Variants in PCDH9 observed in about 807,000 individuals in gnomAD.
PCDH9 encodes the protein protocadherin-9.
PCDH9 carries 24 observed loss-of-function variants against 70.6 expected under a neutral mutation model. The observed-to-expected ratio is 0.34, with a 90% CI of 0.25 to 0.48. The LOEUF is 0.48. PCDH9 is among the 20% of genes least tolerant of loss of function. PCDH9 has a pLI of 0.99. For synonymous variants in PCDH9, 562 were observed against 558.5 expected, an observed-to-expected ratio of 1.01 and a Z score of -0.09; for missense variants, 1,281 against 1,503.6, an observed-to-expected ratio of 0.85 and a Z score of 2.45.
chr13:66,917,174 T>C (rs2082570210), intron 2 of PCDH9, among the ~76,000 whole-genome samples: 1 of 151,512 alleles, frequency 6.6e-6, no homozygotes, highest in Admixed American at 6.6e-5. Flanking sequence ...CTTAGTCAAG[T>C]TAGACATAGC....
intron 3 of PCDH9, among the ~76,000 whole-genome samples, chr13:66,868,644 G>A (rs1466332750): frequency 6.6e-6 from 1 of 151,998 alleles, no homozygotes; most frequent in Non-Finnish European, 1.5e-5. Context: ...AAAAACCAAC[G>A]ATAAATACTT....
At chr13:67,166,142 C>T (rs1032035285) in intron 2 of PCDH9, among the ~76,000 whole-genome samples, 6 of 152,260 alleles carry the variant, frequency 3.9e-5, no homozygotes, top group Non-Finnish European at 7.4e-5. Flanking sequence ...CTGAACACTC[C>T]ATATAAAATA....
intron 2 of PCDH9, among the ~76,000 whole-genome samples, chr13:67,063,458 A>G (rs895471931): frequency 6.6e-6 from 1 of 151,992 alleles, no homozygotes; most frequent in Admixed American, 6.6e-5. Context: ...TCTTGCAGGT[A>G]GATATTATTA....
intron 4 of PCDH9, among the ~76,000 whole-genome samples, chr13:66,607,897 T>C (rs539499446): frequency 3.9e-5 from 6 of 151,956 alleles, no homozygotes; most frequent in Admixed American, 6.6e-5. Context: ...ATCTCTTCCA[T>C]AGAAAGAAAA....
intron 3 of PCDH9, among the ~76,000 whole-genome samples, chr13:66,781,692 A>C (rs2080000967): frequency 6.6e-6 from 1 of 152,184 alleles, no homozygotes; most frequent in Non-Finnish European, 1.5e-5. Flanking sequence ...ACTAGAAAAA[A>C]CATATAAATT....
chr13:66,851,060 G>A (rs1171754829), intron 3 of PCDH9, among the ~76,000 whole-genome samples: 4 of 152,094 alleles, frequency 2.6e-5, no homozygotes, highest in Admixed American at 2.0e-4. Context: ...TTCTTCTAAC[G>A]CCTTTTGAAT....
At chr13:66,668,773 T>C (rs1413634621) in intron 3 of PCDH9, among the ~76,000 whole-genome samples, 2 of 152,170 alleles carry the variant, frequency 1.3e-5, no homozygotes, top group Non-Finnish European at 2.9e-5. Context: ...TGCAAAGATA[T>C]ATGTTGAAGG....
intron 3 of PCDH9, among the ~76,000 whole-genome samples, chr13:66,879,042 C>G (rs1227049679): frequency 6.6e-6 from 1 of 152,144 alleles, no homozygotes; most frequent in South Asian, 2.1e-4. Context: ...ACTACAGAAA[C>G]AGTGAAGCTC....
intron 4 of PCDH9, among the ~76,000 whole-genome samples, chr13:66,474,866 T>C (rs60353234): frequency 0.021 from 3,196 of 152,192 alleles, 109 homozygotes; most frequent in African/African-American, 0.072. Flanking sequence ...TCCTTAGTAC[T>C]AATGAATTCT....
At chr13:66,943,578 T>C (rs2083040384) in intron 2 of PCDH9, among the ~76,000 whole-genome samples, 1 of 152,098 alleles carries the variant, frequency 6.6e-6, no homozygotes, top group Non-Finnish European at 1.5e-5. Context: ...AAAATTACTC[T>C]ACATTTTGAA....
chr13:66,392,887 C>CTT (rs57735819), intron 4 of PCDH9, among the ~76,000 whole-genome samples: 14 of 130,562 alleles, frequency 1.1e-4, no homozygotes, highest in Admixed American at 1.6e-4. Flanking sequence ...TGGGCATTTG[C>CTT]TTTTTTTTTT....
At chr13:66,403,345 C>T (rs909794372) in intron 4 of PCDH9, among the ~76,000 whole-genome samples, 1 of 151,804 alleles carries the variant, frequency 6.6e-6, no homozygotes, top group Admixed American at 6.6e-5. Context: ...TTGTGTTTCA[C>T]CATGTTGCCC....
At chr13:66,505,607 CAA>C (rs1959202982) in intron 4 of PCDH9, among the ~76,000 whole-genome samples, 1 of 151,904 alleles carries the variant, frequency 6.6e-6, no homozygotes, top group South Asian at 2.1e-4. Context: ...GAAAGAGAAG[CAA>C]AGTCACATCT....
At chr13:66,835,319 C>T (rs954516442) in intron 3 of PCDH9, among the ~76,000 whole-genome samples, 7 of 152,168 alleles carry the variant, frequency 4.6e-5, no homozygotes, top group African/African-American at 1.4e-4. Flanking sequence ...TAATCGAGCT[C>T]GGCTCTTGGC....
intron 3 of PCDH9, among the ~76,000 whole-genome samples, chr13:66,761,838 T>A (rs1204546150): frequency 6.6e-6 from 1 of 152,172 alleles, no homozygotes; most frequent in Non-Finnish European, 1.5e-5. Context: ...AATCATTATT[T>A]TGAATTTATT....
intron 2 of PCDH9, among the ~76,000 whole-genome samples, chr13:67,087,989 T>C (rs1594493537): frequency 6.6e-6 from 1 of 152,058 alleles, no homozygotes; most frequent in South Asian, 2.1e-4. Flanking sequence ...AAATTCTCTC[T>C]TGATATAGCA....
chr13:67,097,001 G>C (rs1489938653), intron 2 of PCDH9, among the ~76,000 whole-genome samples: 1 of 151,650 alleles, frequency 6.6e-6, no homozygotes, highest in Non-Finnish European at 1.5e-5. Flanking sequence ...GTAATCCAGC[G>C]CTTTGGGAGG....
intron 2 of PCDH9, among the ~76,000 whole-genome samples, chr13:66,975,656 T>A (rs533874868): frequency 9.2e-5 from 14 of 152,078 alleles, no homozygotes; most frequent in African/African-American, 3.4e-4. Context: ...CTTTCAACAG[T>A]CATTACTGTA....
chr13:66,526,582 C>T (rs576581487), intron 4 of PCDH9, among the ~76,000 whole-genome samples: 7 of 151,900 alleles, frequency 4.6e-5, no homozygotes, highest in Non-Finnish European at 8.8e-5. Context: ...CTGTAGATCA[C>T]AAATATTTGT....
Sources: allele counts gnomAD v4.1 joint callset (sites outside exome capture counted in the v4.1 genomes callset), GRCh38; gene constraint gnomAD v4.1.1; transcripts MANE v1.5; gene names NCBI Gene and HGNC (gene_info 2026-07-23, HGNC 2026-07-21).